ZDHHC18: variants seen among roughly 807,000 people sequenced by gnomAD.
ZDHHC18 encodes the protein zDHHC palmitoyltransferase 18.
In ZDHHC18, 23 loss-of-function variants were observed where a neutral mutation model predicts 37.5. The ratio of observed to expected loss-of-function variants is 0.61; its 90% confidence interval spans 0.44 to 0.87. The LOEUF is 0.87. Among genes scored for constraint, ZDHHC18 ranks in the 40% least tolerant of loss-of-function variants. The probability of loss-of-function intolerance (pLI) is 0.00; values close to 1 mark genes in which losing one functional copy is unlikely to be tolerated. For missense variants in ZDHHC18, 406 were observed against 525.6 expected (o/e 0.77, Z 2.22); for synonymous variants, 185 against 218.7 (o/e 0.85, Z 1.36).
chr1:26,832,044 G>C (rs2081590589), intron 1 of ZDHHC18: 1 of 162,260 alleles, frequency 6.2e-6, no homozygotes, highest in Admixed American at 6.4e-5. Context: ...CTGCCACAGA[G>C]AAGACCTCAG....
intron 2 of ZDHHC18, among the ~76,000 whole-genome samples, chr1:26,848,269 C>T (rs769272497): frequency 5.3e-5 from 8 of 151,668 alleles, no homozygotes; most frequent in South Asian, 2.1e-4. Context: ...CTGAGATTCA[C>T]GCCACTGTAC....
intron 2 of ZDHHC18, among the ~76,000 whole-genome samples, chr1:26,840,537 T>C (rs1329927223): frequency 6.9e-6 from 1 of 144,326 alleles, no homozygotes; most frequent in African/African-American, 2.6e-5. Context: ...ACCTCCTGGG[T>C]TCAAGCGATT....
In ZDHHC18 at chr1:26,850,237, G is replaced by A. The variant is rs981904043; in HGVS notation, c.647-64G>A. On this transcript the variant is annotated intron_variant, in intron 3 of 7. Transcript: ENST00000374142. This position sits in a 1 kb window ranked among gnomAD's most constrained non-coding sequence, Gnocchi z 6.1. ...GAAAGCCCCAGCCATGGGTGAGGCCGCCAAATGCCTGTGCTGGCTGCAGGC... is the reference window on the plus strand; with the variant it reads ...GAAAGCCCCAGCCATGGGTGAGGCCACCAAATGCCTGTGCTGGCTGCAGGC... 38 of 1,577,496 alleles carry A rather than the reference G, an allele frequency of 2.4e-5. No individual in the cohort carries two copies. The highest frequency in any genetic ancestry group is 9.5e-5 in the African/African-American group (7 of 73,884).
chr1:26,832,706 C>T (rs1425497335), intron 2 of ZDHHC18, 99 bp downstream of exon 2: 5 of 1,452,406 alleles, frequency 3.4e-6, no homozygotes, highest in Non-Finnish European at 3.7e-6. Flanking sequence ...ATACTAGGAA[C>T]TGGGGATGCA....
chr1:26,851,963 A>G (rs1414656525), intron 6 of ZDHHC18, among the ~76,000 whole-genome samples: 2 of 152,218 alleles, frequency 1.3e-5, no homozygotes, highest in East Asian at 3.8e-4. Flanking sequence ...AAATGAGAGC[A>G]TCTGTTTCAG....
At chr1:26,837,492 T>C (rs989550009) in intron 2 of ZDHHC18, among the ~76,000 whole-genome samples, 4 of 149,656 alleles carry the variant, frequency 2.7e-5, no homozygotes, top group African/African-American at 9.8e-5. Context: ...TATTTATTTA[T>C]TTTTTGAGAC....
At chr1:26,836,246 C>T (rs1211507886) in intron 2 of ZDHHC18, among the ~76,000 whole-genome samples, 1 of 152,238 alleles carries the variant, frequency 6.6e-6, no homozygotes, top group Non-Finnish European at 1.5e-5. Flanking sequence ...TCTCTCTCCA[C>T]TGCCATACAC....
intron 2 of ZDHHC18, among the ~76,000 whole-genome samples, chr1:26,836,605 G>A (rs1440022015): frequency 1.5e-5 from 2 of 135,314 alleles, no homozygotes; most frequent in Admixed American, 1.6e-4. Context: ...GTCTTGCTCC[G>A]TTGCCCAGGC....
At position 26,832,485 on chromosome 1, in the gene ZDHHC18, C is replaced by G. The variant is rs764584754; in HGVS notation, c.374C>G (p.Pro125Arg). 6.2e-7 allele frequency: 1 copy of G among 1,614,148 alleles called. No individual in the cohort carries two copies. Among genetic ancestry groups the G allele is most frequent in the South Asian group, 1.1e-5 (1 of 91,084 alleles). ...YLARKLTLAIPIIAAILFFFV... is the reference protein window; with the variant it reads ...YLARKLTLAIRIIAAILFFFV... ...GCTCGCAAGCTGACCCTTGCCATCCCCATCATCGCTGCCATCCTCTTCTTC... is the reference window on the plus strand; with the variant it reads ...GCTCGCAAGCTGACCCTTGCCATCCGCATCATCGCTGCCATCCTCTTCTTC... Residue 125 changes from proline (P) to arginine (R), a missense_variant, in exon 2 of 8, where the codon CCC becomes CGC. Pro to Arg is a moderately radical substitution (Grantham distance 103, BLOSUM62 -2). Transcript: ENST00000374142.
intron 2 of ZDHHC18, among the ~76,000 whole-genome samples, chr1:26,838,860 C>G (rs542260797): frequency 1.3e-5 from 2 of 152,242 alleles, no homozygotes; most frequent in Non-Finnish European, 2.9e-5. Context: ...GCCCCATGAA[C>G]CCCAGAGATG....
At chr1:26,848,452 C>T (rs958844199) in intron 2 of ZDHHC18, among the ~76,000 whole-genome samples, 156 bp from the exon 3 acceptor site, 1 of 152,188 alleles carries the variant, frequency 6.6e-6, no homozygotes, top group African/African-American at 2.4e-5. Flanking sequence ...TTGTCCCTGC[C>T]TTAGGCCAGA....
intron 1 of ZDHHC18, among the ~76,000 whole-genome samples, chr1:26,829,703 G>C (rs572686107): frequency 1.1e-4 from 16 of 152,338 alleles, no homozygotes; most frequent in Middle Eastern, 3.4e-3. Context: ...TATGCAGTAG[G>C]TGCTCAATAC....
intron 2 of ZDHHC18, among the ~76,000 whole-genome samples, chr1:26,841,721 G>A (rs764876831): frequency 1.3e-5 from 2 of 152,154 alleles, no homozygotes; most frequent in Admixed American, 6.5e-5. Flanking sequence ...CAGTTGGTCA[G>A]GAGCAATGTC....
At chr1:26,847,802 C>T (rs1042866596) in intron 2 of ZDHHC18, among the ~76,000 whole-genome samples, 8 of 152,248 alleles carry the variant, frequency 5.3e-5, no homozygotes, top group African/African-American at 1.7e-4. Context: ...ACTCCTCAGC[C>T]TCCCAAAGTG....
chr1:26,855,940 G>A lies in ZDHHC18; in HGVS notation c.*2097G>A. 2 of 275,812 alleles carry A rather than the reference G, an allele frequency of 7.3e-6. No individual in the cohort carries two copies. Among genetic ancestry groups the A allele is most frequent in the Non-Finnish European group, 1.5e-5 (2 of 129,788 alleles). 17.1% of individuals were successfully genotyped at this position (275,812 alleles called of 1,614,324 possible). A position where few individuals can be genotyped will look rare whatever the true frequency, so the allele number is the denominator to read the frequency against. On this transcript the variant is annotated 3_prime_UTR_variant, in exon 8 of 8. Coordinates refer to ENST00000374142, the MANE Select transcript of ZDHHC18 (RefSeq NM_032283.3). Reference sequence around the variant, plus strand: ...GAGCCCCCATGGGCACGTGAAAAGAGGCCATCCTGTCCCCTCTTTGTCCCC... The same window carrying A: ...GAGCCCCCATGGGCACGTGAAAAGAAGCCATCCTGTCCCCTCTTTGTCCCC...
At chr1:26,852,443 G>A (rs2081710059) in intron 6 of ZDHHC18, among the ~76,000 whole-genome samples, 1 of 152,228 alleles carries the variant, frequency 6.6e-6, no homozygotes, top group Non-Finnish European at 1.5e-5. Flanking sequence ...TCACAGGCAG[G>A]TCAGCCCTCA....
intron 2 of ZDHHC18, among the ~76,000 whole-genome samples, chr1:26,834,327 G>A (rs770139632): frequency 1.3e-5 from 2 of 152,178 alleles, no homozygotes; most frequent in Admixed American, 1.3e-4. Context: ...CAGTGAGGGC[G>A]ACCCTGTTAA....
At chr1:26,848,568 G>A (rs749206833) in intron 2 of ZDHHC18, 40 bp from the exon 3 acceptor site, 8 of 1,595,162 alleles carry the variant, frequency 5.0e-6, no homozygotes, top group Middle Eastern at 1.7e-4. Flanking sequence ...GCCCTGGGCT[G>A]CCTTGGGCAT....
At chr1:26,833,920 G>A (rs2081599202) in intron 2 of ZDHHC18, among the ~76,000 whole-genome samples, 1 of 152,106 alleles carries the variant, frequency 6.6e-6, no homozygotes, top group Admixed American at 6.5e-5. Context: ...GATGTTCTCT[G>A]GGCTCTGTCT....
Sources: gnomAD v4.1 joint callset for allele counts (sites outside exome capture counted in the v4.1 genomes callset) on GRCh38, gnomAD v4.1.1 for gene constraint, Gnocchi (gnomAD v3.1) non-coding constraint, MANE v1.5 for transcripts, NCBI Gene and HGNC (gene_info 2026-07-23, HGNC 2026-07-21) for gene names.